RNLS: variants seen among roughly 807,000 people sequenced by gnomAD.
The protein encoded by RNLS is renalase.
In RNLS, 39 loss-of-function variants were observed where a neutral mutation model predicts 39.8. The observed-to-expected ratio is 0.98, with a 90% CI of 0.76 to 1.28. The LOEUF (loss-of-function observed/expected upper bound fraction) is 1.28. Ranked by LOEUF, RNLS falls within the 50% of genes most tolerant of loss-of-function variation. The pLI is 0.00. For synonymous variants in RNLS, 147 were observed against 150.7 expected (o/e 0.98, Z 0.18); for missense variants, 410 against 413.3 (o/e 0.99, Z 0.07).
intron 5 of RNLS, among the ~76,000 whole-genome samples, chr10:88,317,893 TG>T (rs1053864568): frequency 1.2e-4 from 18 of 152,132 alleles, no homozygotes; most frequent in African/African-American, 4.3e-4. Context: ...TAAGGGGTAG[TG>T]GGTGTGCTTC....
At chr10:88,303,181 A>G (rs1170311583) in intron 6 of RNLS, among the ~76,000 whole-genome samples, 2 of 152,256 alleles carry the variant, frequency 1.3e-5, no homozygotes, top group African/African-American at 4.8e-5. Context: ...ATGGAAATCA[A>G]GTTGGCAGGG....
intron 4 of RNLS, among the ~76,000 whole-genome samples, chr10:88,488,082 G>C (rs181369327): frequency 2.4e-4 from 37 of 152,234 alleles, no homozygotes; most frequent in African/African-American, 8.4e-4. Context: ...GCTGGAGATG[G>C]GAGAAGGTAT....
At chr10:88,224,198 A>G in the RNLS span, among the ~76,000 whole-genome samples, 1 of 152,186 alleles carries the variant, frequency 6.6e-6, no homozygotes, top group South Asian at 2.1e-4. Flanking sequence ...GAAGTCTAAG[A>G]TCAAGGTGGC....
intron 4 of RNLS, among the ~76,000 whole-genome samples, chr10:88,491,460 A>C (rs906911104): frequency 6.6e-6 from 1 of 152,142 alleles, no homozygotes; most frequent in Non-Finnish European, 1.5e-5. Flanking sequence ...ATAAACCTAT[A>C]AAAACTAGGC....
chr10:88,500,381 T>A (rs980184808), intron 4 of RNLS, among the ~76,000 whole-genome samples: 4 of 152,160 alleles, frequency 2.6e-5, no homozygotes, highest in Non-Finnish European at 5.9e-5. Context: ...ATTTGAAGCA[T>A]CTGTATTTTC....
At chr10:88,245,729 T>C in the RNLS span, among the ~76,000 whole-genome samples, 2 of 152,186 alleles carry the variant, frequency 1.3e-5, no homozygotes, top group Non-Finnish European at 2.9e-5. Flanking sequence ...GGACTTCTGG[T>C]TCACCACCTG....
chr10:88,543,667 G>C (rs1167139510), intron 4 of RNLS, among the ~76,000 whole-genome samples: 1 of 152,026 alleles, frequency 6.6e-6, no homozygotes, highest in African/African-American at 2.4e-5. Context: ...AAAAAACTTC[G>C]TATGTCTCAA....
chr10:88,361,905 T>G (rs1849671720), intron 5 of RNLS, among the ~76,000 whole-genome samples: 1 of 152,220 alleles, frequency 6.6e-6, no homozygotes, highest in South Asian at 2.1e-4. Context: ...TTCTTCACCT[T>G]TTTGCCTAAA....
chr10:88,212,833 A>G, the RNLS span, among the ~76,000 whole-genome samples: 3 of 152,208 alleles, frequency 2.0e-5, no homozygotes, highest in Non-Finnish European at 2.9e-5. Context: ...GTCTTGCCCA[A>G]GGGACCCAAA....
chr10:88,186,631 T>C, the RNLS span, among the ~76,000 whole-genome samples: 2 of 152,306 alleles, frequency 1.3e-5, no homozygotes, highest in African/African-American at 4.8e-5. Flanking sequence ...TGAATGCATA[T>C]TTAAGTGATA....
At chr10:88,306,354 C>CA (rs947399682) in intron 6 of RNLS, among the ~76,000 whole-genome samples, 13 of 151,802 alleles carry the variant, frequency 8.6e-5, no homozygotes, top group African/African-American at 1.7e-4. Context: ...GATTGAGACA[C>CA]AAAAAAACCA....
chr10:88,212,834 G>A, the RNLS span, among the ~76,000 whole-genome samples: 1 of 152,192 alleles, frequency 6.6e-6, no homozygotes, highest in Admixed American at 6.6e-5. Context: ...TCTTGCCCAA[G>A]GGACCCAAAC....
Position 88,583,223 on chromosome 10 carries a change from C to T in RNLS, c.-33G>A, listed in dbSNP as rs746274150. On this transcript the variant is annotated 5_prime_UTR_variant, in exon 1 of 7. Transcript: ENST00000331772. Reference sequence around the variant, plus strand: ...GGGAGCAGCGATCCGCGCTGAGTCTCTGCGGCGGGGCCGTTCGGCCCGGGC... The same window carrying T: ...GGGAGCAGCGATCCGCGCTGAGTCTTTGCGGCGGGGCCGTTCGGCCCGGGC... 13 of 1,611,520 alleles carry T rather than the reference C, an allele frequency of 8.1e-6. No homozygotes were observed. The Admixed American group carries it at 1.0e-4, about 12-fold the overall frequency.
intron 4 of RNLS, among the ~76,000 whole-genome samples, chr10:88,516,122 T>C (rs1846393694): frequency 6.6e-6 from 1 of 152,070 alleles, no homozygotes; most frequent in African/African-American, 2.4e-5. Flanking sequence ...CTTGGACTTC[T>C]AGCTCCAGAA....
chr10:88,405,304 C>T (rs1853188955), intron 4 of RNLS, among the ~76,000 whole-genome samples: 2 of 152,140 alleles, frequency 1.3e-5, no homozygotes, highest in East Asian at 1.9e-4. Flanking sequence ...CAATTTCCTA[C>T]TCCCCTGAAC....
At chr10:88,311,712 G>A (rs1041689275) in intron 6 of RNLS, among the ~76,000 whole-genome samples, 2 of 152,184 alleles carry the variant, frequency 1.3e-5, no homozygotes, top group Non-Finnish European at 2.9e-5. Context: ...GGTTTCCTGA[G>A]CAGAGTACTA....
In RNLS at chr10:88,308,941, A is replaced by G. The variant is rs555505372; in HGVS notation, c.876+5525T>C. 2.6e-5 allele frequency among the ~76,000 whole-genome samples: 4 copies of G among 152,320 alleles called. No individual in the cohort carries two copies. In the South Asian group the frequency reaches 8.3e-4, roughly 32 times the overall value. On this transcript the variant is annotated intron_variant, in intron 6 of 6. Coordinates refer to ENST00000331772, the MANE Select transcript of RNLS (RefSeq NM_001031709.3). ...ACACCATGGAACACTATGCAGTTAT[A>G]AAAAAGAATGGGATCATGTCCTTTG...
chr10:88,464,263 A>C (rs1253109134), intron 4 of RNLS, among the ~76,000 whole-genome samples: 2 of 152,136 alleles, frequency 1.3e-5, no homozygotes, highest in Non-Finnish European at 2.9e-5. Flanking sequence ...CAAGGGAAAG[A>C]AGTGATGACG....
intron 4 of RNLS, among the ~76,000 whole-genome samples, chr10:88,424,890 C>T (rs565780697): frequency 3.9e-5 from 6 of 152,192 alleles, no homozygotes; most frequent in African/African-American, 4.8e-5. Context: ...TTTGGAGCAA[C>T]GTTTGGTCAT....
Sources: gnomAD v4.1 joint callset for allele counts (sites outside exome capture counted in the v4.1 genomes callset) on GRCh38, gnomAD v4.1.1 for gene constraint, MANE v1.5 for transcripts, NCBI Gene and HGNC (gene_info 2026-07-23, HGNC 2026-07-21) for gene names.